Variants in COL11A1 observed in about 807,000 individuals in gnomAD.
COL11A1 encodes the protein collagen alpha-1(XI) chain.
Under a neutral mutation model 265.2 loss-of-function variants are expected in COL11A1, and 74 were observed. The ratio of observed to expected loss-of-function variants is 0.28; its 90% CI spans 0.23 to 0.34. The LOEUF (loss-of-function observed/expected upper bound fraction) is 0.34, where lower values mean the gene tolerates loss of function less well. Among genes scored for constraint, COL11A1 ranks in the 10% least tolerant of loss-of-function variants. The pLI, the probability that COL11A1 is intolerant of heterozygous loss-of-function variation, is 1.00. For missense variants in COL11A1, 2,165 were observed against 2,263.6 expected, an observed-to-expected ratio of 0.96 and a Z score of 0.88; for synonymous variants, 816 against 727.6, an observed-to-expected ratio of 1.12 and a Z score of -1.96.
At chr1:103,079,520 C>A (rs1312330539) in intron 2 of COL11A1, among the ~76,000 whole-genome samples, 1 of 151,984 alleles carries the variant, frequency 6.6e-6, no homozygotes, top group East Asian at 1.9e-4. Flanking sequence ...ACAGTCTGAT[C>A]TACATTGGTC....
At chr1:102,962,562 C>G in intron 39 of COL11A1, 91 bp downstream of exon 39, 1 of 1,115,554 alleles carries the variant, frequency 9.0e-7, no homozygotes. Flanking sequence ...TTCTGACATT[C>G]ATTTAAATGG....
Position 103,004,497 on chromosome 1 carries a change from G to C in COL11A1, c.1900-9C>G. 1 of 1,610,952 alleles carries C rather than the reference G, an allele frequency of 6.2e-7. No individual in the cohort carries two copies. The highest frequency in any genetic ancestry group is 2.2e-5 in the East Asian group (1 of 44,782). On this transcript the variant is annotated splice_polypyrimidine_tract_variant and intron_variant, in intron 19 of 66. Transcript: ENST00000370096. ...ATTTCTCCATCTTCTCCCTGTCATT[G>C]ACAAAATGAATGAGAGTATAGAACA...
intron 56 of COL11A1, 37 bp from the exon 57 acceptor site, chr1:102,898,215 T>C: frequency 1.0e-6 from 1 of 977,596 alleles, no homozygotes. Flanking sequence ...TTAAAATTAA[T>C]AAAATAATAC....
chr1:102,961,487 C>T (rs956708665), intron 41 of COL11A1, among the ~76,000 whole-genome samples: 2 of 152,024 alleles, frequency 1.3e-5, no homozygotes, highest in Admixed American at 6.6e-5. Context: ...TATAAGAAAT[C>T]AAATCTTATT....
rs776695935 is a variant in COL11A1 at position 103,074,795 on chromosome 1, T to C, written c.489-15A>G. On this transcript the variant is annotated splice_polypyrimidine_tract_variant and intron_variant, in intron 3 of 66. Transcript: ENST00000370096. ...CCCGATGCCACCTAAAAAAGACAAG[T>C]AATTCTTTTGTAAGCTTCAAAGAAA... The C allele has an allele frequency of 1.2e-6, 2 of 1,612,542 alleles. No homozygotes were observed. The highest frequency in any genetic ancestry group is 1.7e-6 in the Non-Finnish European group (2 of 1,179,140).
chr1:103,108,003 T>C, intron 1 of COL11A1, 70 bp downstream of exon 1: 1 of 1,087,550 alleles, frequency 9.2e-7, no homozygotes, highest in East Asian at 2.4e-5. Context: ...AAGGGTAAAG[T>C]GGGGGGAGGG....
chr1:102,984,184 A>T lies in COL11A1; in HGVS notation c.2510T>A (p.Leu837His). The T allele has an allele frequency of 6.3e-7, 1 of 1,592,366 alleles. No homozygotes were observed. Among genetic ancestry groups the T allele is most frequent in the Non-Finnish European group, 8.6e-7 (1 of 1,162,766 alleles). The change falls in exon 31 of 67, where the codon CTT becomes CAT. Residue 837 changes from leucine to histidine, a missense_variant. Coordinates refer to ENST00000370096, the MANE Select transcript of COL11A1 (RefSeq NM_001854.4). The part of the protein sequence containing the change: ...PSGQAGEKGK[L>H]GVPGLPGYPG... ...ATATCCTGGTAATCCTGGAACTCCA[A>T]GTTTTCCCTACAGTTAAAATATATA...
chr1:102,885,926 A>T (rs1650912937), intron 63 of COL11A1, among the ~76,000 whole-genome samples: 1 of 151,798 alleles, frequency 6.6e-6, no homozygotes, highest in African/African-American at 2.4e-5. Flanking sequence ...TTAAGATAAG[A>T]AGATTTTTGT....
intron 3 of COL11A1, among the ~76,000 whole-genome samples, chr1:103,075,487 C>T (rs1411393459): frequency 6.6e-6 from 1 of 152,124 alleles, no homozygotes; most frequent in Non-Finnish European, 1.5e-5. Flanking sequence ...ATGAGACTCT[C>T]AATTCACTCT....
chr1:103,021,430 T>G (rs1406726187), intron 9 of COL11A1, among the ~76,000 whole-genome samples: 4 of 152,166 alleles, frequency 2.6e-5, no homozygotes, highest in Non-Finnish European at 5.9e-5. Flanking sequence ...TTAAGTCCTT[T>G]AGATCTCTGG....
Position 103,049,111 on chromosome 1 carries a change from A to T in COL11A1, c.652-17867T>A, listed in dbSNP as rs185141948. ...GTGGAGAGTTCTGCAGATGTCTATTAGGTCCACTTGGTGCAGAGCTGAGTT... is the reference window on the plus strand; with the variant it reads ...GTGGAGAGTTCTGCAGATGTCTATTTGGTCCACTTGGTGCAGAGCTGAGTT... On this transcript the variant is annotated intron_variant, in intron 4 of 66. Transcript: ENST00000370096. Among the ~76,000 whole-genome samples, 374 of 152,322 alleles carry T rather than the reference A, an allele frequency of 2.5e-3. 1 individual carries two copies. The highest frequency in any genetic ancestry group is 3.7e-3 in the Non-Finnish European group (254 of 68,032).
intron 14 of COL11A1, among the ~76,000 whole-genome samples, chr1:103,010,845 CAT>C (rs1666058956): frequency 6.6e-6 from 1 of 151,984 alleles, no homozygotes; most frequent in Non-Finnish European, 1.5e-5. Flanking sequence ...GGATTACAGG[CAT>C]GTGCCACCAC....
chr1:103,100,989 C>A (rs145485447), intron 1 of COL11A1, among the ~76,000 whole-genome samples: 58 of 152,026 alleles, frequency 3.8e-4, no homozygotes, highest in African/African-American at 1.3e-3. Context: ...GGTATTAGGG[C>A]TCACCTGGAG....
At chr1:103,000,085 G>A (rs1264507130) in intron 24 of COL11A1, among the ~76,000 whole-genome samples, 4 of 151,748 alleles carry the variant, frequency 2.6e-5, no homozygotes, top group South Asian at 4.2e-4. Flanking sequence ...GCTTGGCACA[G>A]GTAATTCAGA....
chr1:102,878,992 C>A (rs1471673922), intron 66 of COL11A1, among the ~76,000 whole-genome samples: 1 of 152,034 alleles, frequency 6.6e-6, no homozygotes, highest in African/African-American at 2.4e-5. Flanking sequence ...AAAAGCTTTT[C>A]CCAACTCTTG....
At chr1:102,993,642 A>G (rs985035237) in intron 28 of COL11A1, among the ~76,000 whole-genome samples, 3 of 151,628 alleles carry the variant, frequency 2.0e-5, no homozygotes, top group Non-Finnish European at 4.4e-5. Context: ...AGCTCAAGCA[A>G]CTCTCCCTCC....
At chr1:103,084,272 C>A (rs532991518) in intron 1 of COL11A1, among the ~76,000 whole-genome samples, 1 of 152,206 alleles carries the variant, frequency 6.6e-6, no homozygotes, top group Non-Finnish European at 1.5e-5. Context: ...CCCTGACAAC[C>A]TCTTATATAC....
intron 4 of COL11A1, among the ~76,000 whole-genome samples, chr1:103,039,526 C>G (rs1668642033): frequency 6.6e-6 from 1 of 151,998 alleles, no homozygotes; most frequent in Admixed American, 6.6e-5. Flanking sequence ...CAAACACACA[C>G]AGAGGAAAGA....
At chr1:103,070,188 G>C (rs1671467386) in intron 4 of COL11A1, among the ~76,000 whole-genome samples, 1 of 141,568 alleles carries the variant, frequency 7.1e-6, no homozygotes, top group South Asian at 2.3e-4. Flanking sequence ...GTGTAGCTAT[G>C]TGTTAAAATC....
Sources: allele counts gnomAD v4.1 joint callset (sites outside exome capture counted in the v4.1 genomes callset), GRCh38; gene constraint gnomAD v4.1.1; transcripts MANE v1.5; gene names NCBI Gene and HGNC (gene_info 2026-07-23, HGNC 2026-07-21).